The following ADCYAP1 variants were observed in gnomAD, a reference collection of about 807,000 sequenced individuals.
The protein encoded by ADCYAP1 is adenylate cyclase activating polypeptide 1.
Under a neutral mutation model 18.5 loss-of-function variants are expected in ADCYAP1, and 6 were observed. That is an observed-to-expected ratio of 0.32 (90% confidence interval 0.18 to 0.64). The LOEUF (loss-of-function observed/expected upper bound fraction) is 0.64. ADCYAP1 is among the 30% of genes least tolerant of loss of function. ADCYAP1 has a pLI of 0.77. For missense variants in ADCYAP1, 314 were observed against 253.6 expected (o/e 1.24, Z -1.62); for synonymous variants, 136 against 113.9 (o/e 1.19, Z -1.24).
In ADCYAP1 at chr18:905,057, A is replaced by G. The variant is rs1304078853; in HGVS notation, c.-5A>G. ...GCTCTCCTGGCAGCGGGAGGAGTTG[A>G]AGGGTAAGGGAGGGAAAATCTTACC... On this transcript the variant is annotated 5_prime_UTR_variant, in exon 1 of 5. Coordinates refer to ENST00000450565, the MANE Select transcript of ADCYAP1 (RefSeq NM_001099733.2). 8 of 1,286,558 alleles carry G rather than the reference A, an allele frequency of 6.2e-6. No individual in the cohort carries two copies. The highest frequency in any genetic ancestry group is 8.0e-6 in the Non-Finnish European group (8 of 993,916). 79.7% of individuals were successfully genotyped at this position (1,286,558 alleles called of 1,614,324 possible).
rs905475767 is a variant in ADCYAP1, at chr18:909,670, T to G, written c.*35T>G. On this transcript the variant is annotated 3_prime_UTR_variant, in exon 5 of 5. Transcript: ENST00000450565. ...ACCAGCTACCCTGTGTATACAGCCC[T>G]GACGCAATGAAAAGTCGTTTTCCAA... 2.6e-6 allele frequency: 4 copies of G among 1,568,236 alleles called. No homozygotes were observed. Among genetic ancestry groups the G allele is most frequent in the Non-Finnish European group, 3.5e-6 (4 of 1,149,960 alleles).
At chr18:906,465 T>C (rs1832983104) in intron 2 of ADCYAP1, 1 of 152,336 alleles carries the variant, frequency 6.6e-6, no homozygotes, top group Admixed American at 6.5e-5. Flanking sequence ...TGATCATTGA[T>C]TTGGACGGAG....
Position 909,421 on chromosome 18 carries a change from C to T in ADCYAP1, c.342-25C>T, listed in dbSNP as rs757462264. The T allele has an allele frequency of 1.6e-5, 26 of 1,600,548 alleles. No individual in the cohort carries two copies. The East Asian group carries it at 4.5e-4, about 28-fold the overall frequency. ...AACCTGTGTCTCCCGCCCCGCCACC[C>T]TCTTCCCGACCCCTTTGCTTGCAGT... On this transcript the variant is annotated intron_variant, in intron 4 of 4. Coordinates refer to ENST00000450565, the MANE Select transcript of ADCYAP1 (RefSeq NM_001099733.2).
intron 1 of ADCYAP1, 124 bp from the exon 2 acceptor site, chr18:905,262 G>T: frequency 6.6e-7 from 1 of 1,506,312 alleles, no homozygotes; most frequent in Non-Finnish European, 8.8e-7. Context: ...GCCAAGTGCT[G>T]TTCAACTCAG....
At position 910,618 on chromosome 18, in the gene ADCYAP1, G is replaced by A. The variant is rs1221568377; in HGVS notation, c.*983G>A. 1 of 152,256 alleles carries A rather than the reference G, an allele frequency of 6.6e-6. No individual in the cohort carries two copies. Among genetic ancestry groups the A allele is most frequent in the African/African-American group, 2.4e-5 (1 of 41,444 alleles). 9.4% of individuals were successfully genotyped at this position (152,256 alleles called of 1,614,324 possible). On this transcript the variant is annotated 3_prime_UTR_variant, in exon 5 of 5. Coordinates refer to ENST00000450565, the MANE Select transcript of ADCYAP1 (RefSeq NM_001099733.2). ...ATTGCCCCAGGTCTGGGAAGCTGAGGGCAAATCCAGTCCCAATGGTCCTGA... is the reference window on the plus strand; with the variant it reads ...ATTGCCCCAGGTCTGGGAAGCTGAGAGCAAATCCAGTCCCAATGGTCCTGA...
At chr18:906,242 C>CT (rs1909165959) in intron 2 of ADCYAP1, 1 of 152,278 alleles carries the variant, frequency 6.6e-6, no homozygotes, top group African/African-American at 2.4e-5. Context: ...GGAACCTTGG[C>CT]TTTTTTCTTA....
In ADCYAP1 at chr18:907,677, C is replaced by T. The variant is rs1265756651; in HGVS notation, c.129C>T (p.Tyr43=). 3 of 1,575,130 alleles carry T rather than the reference C, an allele frequency of 1.9e-6. No individual in the cohort carries two copies. Among genetic ancestry groups the T allele is most frequent in the East Asian group, 2.3e-5 (1 of 42,638 alleles). The change falls in exon 3 of 5, where the codon TAC becomes TAT. Residue 43 remains tyrosine (Y), a synonymous_variant. Coordinates refer to ENST00000450565, the MANE Select transcript of ADCYAP1 (RefSeq NM_001099733.2). ...CCCGCAGGCCAGAGGAAGAGGCGTA[C>T]GGCGAGGACGGAAACCCGCTGCCAG... The part of the protein sequence containing the change: ...FPGIRPEEEA[Y]GEDGNPLPDF...
chr18:909,301 G>A, intron 4 of ADCYAP1, 145 bp from the exon 5 acceptor site: 1 of 751,686 alleles, frequency 1.3e-6, no homozygotes, highest in Non-Finnish European at 2.0e-6. Context: ...GCTGCTTCCA[G>A]GCAGAGGCGG....
chr18:908,493 C>T, intron 4 of ADCYAP1, 130 bp downstream of exon 4: 1 of 631,424 alleles, frequency 1.6e-6, no homozygotes, highest in Non-Finnish European at 2.6e-6. Context: ...GGGTGGGCAT[C>T]CGCCACGGGT....
upstream of ADCYAP1, chr18:904,675 C>A: frequency 8.4e-7 from 1 of 1,193,056 alleles, no homozygotes; most frequent in Non-Finnish European, 1.1e-6. Flanking sequence ...CTCTCCCTTG[C>A]CTTCCTCCCC....
rs1909103419 is a variant in ADCYAP1, at chr18:904,961, G to GCGATGCCTC, written c.-100_-92dup. On this transcript the variant is annotated 5_prime_UTR_variant, in exon 1 of 5. It adds an upstream start codon to the 5' untranslated region. Coordinates refer to ENST00000450565, the MANE Select transcript of ADCYAP1 (RefSeq NM_001099733.2). ...TCTGCTCAGACACCAACGCCAGACG[G>GCGATGCCTC]CGATGCCTCTCGGGTGGTGACTCCA... The GCGATGCCTC allele has an allele frequency of 7.7e-7, 1 of 1,291,334 alleles. No homozygotes were observed. Among genetic ancestry groups the GCGATGCCTC allele is most frequent in the African/African-American group, 1.5e-5 (1 of 65,936 alleles). 80.0% of individuals were successfully genotyped at this position (1,291,334 alleles called of 1,614,324 possible).
rs998760372 is a variant in ADCYAP1, at chr18:909,324, G to A, written c.342-122G>A. 11 of 918,322 alleles carry A rather than the reference G, an allele frequency of 1.2e-5. No homozygotes were observed. In the South Asian group the frequency reaches 1.6e-4, roughly 13 times the overall value. 56.9% of individuals were successfully genotyped at this position (918,322 alleles called of 1,614,324 possible). A position where few individuals can be genotyped will look rare whatever the true frequency, so the allele number is the denominator to read the frequency against. ...CAGGCAGAGGCGGGCGACGCGGTGG[G>A]CAGTGCGAGCCCCGGGCCCTCCCCG... On this transcript the variant is annotated intron_variant, in intron 4 of 4. Coordinates refer to ENST00000450565, the MANE Select transcript of ADCYAP1 (RefSeq NM_001099733.2).
In ADCYAP1 at chr18:910,536, G is replaced by A. The variant is rs1386670588; in HGVS notation, c.*901G>A. On this transcript the variant is annotated 3_prime_UTR_variant, in exon 5 of 5. Coordinates refer to ENST00000450565, the MANE Select transcript of ADCYAP1 (RefSeq NM_001099733.2). The stretch of plus-strand genomic sequence containing the variant: ...AAAGTGAAGGACATAGAGGTATATT[G>A]GAAGAGGCAGAGCCTGAGGTGGTAG... The A allele has an allele frequency of 2.0e-5, 3 of 152,240 alleles. No homozygotes were observed. The highest frequency in any genetic ancestry group is 4.4e-5 in the Non-Finnish European group (3 of 68,070). The allele number at this position is 152,240 out of a possible 1,614,324, so 9.4% of individuals were successfully genotyped here.
Position 905,471 on chromosome 18 carries a change from G to A in ADCYAP1, c.85G>A (p.Ala29Thr). 6.2e-7 allele frequency: 1 copy of A among 1,609,394 alleles called. No individual in the cohort carries two copies. ...HSSVYSSPAA[A>T]GLRFPGIRPE... ...CAGCGTCTACAGCTCACCTGCCGCC[G>A]CCGGACTCCGGTTCCCCGGGATCAG... Residue 29 changes from alanine to threonine, a missense_variant, in exon 2 of 5, where the codon GCC (alanine) becomes ACC (threonine). Coordinates refer to ENST00000450565, the MANE Select transcript of ADCYAP1 (RefSeq NM_001099733.2).
rs372460905 is a variant in ADCYAP1, at chr18:908,324, C to A, written c.302C>A (p.Ala101Asp). ...CGCAAAGTGCTGGACCAGCTGTCCG[C>A]CGGGAAGCACCTGCAGTCGCTCGTG... Reference protein sequence around the residue: ...AYRKVLDQLSAGKHLQSLVAR... With the variant: ...AYRKVLDQLSDGKHLQSLVAR... The change falls in exon 4 of 5, where the codon GCC (alanine) becomes GAC (aspartate). Residue 101 changes from alanine (A) to aspartate (D), a missense_variant. Ala to Asp is a moderately radical substitution (Grantham distance 126). Transcript: ENST00000450565. The A allele has an allele frequency of 8.7e-6, 14 of 1,613,280 alleles. No individual in the cohort carries two copies. The highest frequency in any genetic ancestry group is 1.1e-5 in the Non-Finnish European group (13 of 1,179,792).
upstream of ADCYAP1, chr18:904,459 C>G: frequency 1.6e-6 from 2 of 1,288,964 alleles, no homozygotes; most frequent in Non-Finnish European, 2.0e-6. Flanking sequence ...ACAAAGAGGG[C>G]TCTCCAAAAA....
chr18:905,668 G>A (rs1411880692), intron 2 of ADCYAP1, 172 bp downstream of exon 2: 7 of 791,094 alleles, frequency 8.8e-6, no homozygotes, highest in Non-Finnish European at 1.2e-5. Flanking sequence ...TCTAGCCGAG[G>A]GTCTGGCAGG....
At chr18:909,121 A>T (rs982243620) in intron 4 of ADCYAP1, among the ~76,000 whole-genome samples, 4 of 151,508 alleles carry the variant, frequency 2.6e-5, no homozygotes, top group African/African-American at 9.8e-5. Flanking sequence ...ATTTAGCGCA[A>T]ACACACGAAG....
At chr18:908,694 T>A (rs1909273699) in intron 4 of ADCYAP1, among the ~76,000 whole-genome samples, 1 of 152,148 alleles carries the variant, frequency 6.6e-6, no homozygotes, top group Admixed American at 6.5e-5. Flanking sequence ...TAAGCATGAC[T>A]GTTTCTGGGG....
Sources: gnomAD v4.1 joint callset for allele counts (sites outside exome capture counted in the v4.1 genomes callset) on GRCh38, gnomAD v4.1.1 for gene constraint, MANE v1.5 for transcripts, NCBI Gene and HGNC (gene_info 2026-07-23, HGNC 2026-07-21) for gene names.